NEDD4L: variants seen among roughly 807,000 people sequenced by gnomAD.
NEDD4L encodes the protein NEDD4 like E3 ubiquitin protein ligase, also known as E3 ubiquitin-protein ligase NEDD4-like.
In NEDD4L, 54 loss-of-function variants were observed where a neutral mutation model predicts 148.9. That is an observed-to-expected ratio of 0.36 (90% CI 0.29 to 0.45). The LOEUF is 0.45. NEDD4L is among the 20% of genes least tolerant of loss of function. The pLI, the probability that NEDD4L is intolerant of heterozygous loss-of-function variation, is 1.00. For synonymous variants in NEDD4L, 433 were observed against 440.7 expected, an observed-to-expected ratio of 0.98 and a Z score of 0.22; for missense variants, 856 against 1,233.8, an observed-to-expected ratio of 0.69 and a Z score of 4.59.
rs145727170 is a variant in NEDD4L at position 58,102,188 on chromosome 18, C to T, written c.48+57480C>T. Reference sequence around the variant, plus strand: ...CTTCTTCCCCCTCCATGACTGCCTGCATTTGAATACATTTCCATTGTGTGA... The same window carrying T: ...CTTCTTCCCCCTCCATGACTGCCTGTATTTGAATACATTTCCATTGTGTGA... On this transcript the variant is annotated intron_variant, in intron 1 of 30. Coordinates refer to ENST00000400345, the MANE Select transcript of NEDD4L (RefSeq NM_001144967.3). Among the ~76,000 whole-genome samples, 101 of 152,114 alleles carry T rather than the reference C, an allele frequency of 6.6e-4. 2 individuals are homozygous for T. In the East Asian group the frequency reaches 0.018, roughly 26 times the overall value.
chr18:58,345,308 T>G (rs765386308), intron 16 of NEDD4L, among the ~76,000 whole-genome samples: 2 of 152,234 alleles, frequency 1.3e-5, no homozygotes, highest in Non-Finnish European at 2.9e-5. Flanking sequence ...AGACACACTC[T>G]AAATTGCCTG....
At chr18:58,283,060 T>C (rs2053399893) in intron 5 of NEDD4L, among the ~76,000 whole-genome samples, 1 of 146,502 alleles carries the variant, frequency 6.8e-6, no homozygotes, top group South Asian at 2.1e-4. Context: ...CTTATTTATT[T>C]ATTTATTTAT....
intron 11 of NEDD4L, 62 bp from the exon 12 acceptor site, chr18:58,333,756 C>A: frequency 8.6e-7 from 1 of 1,167,472 alleles, no homozygotes; most frequent in African/African-American, 1.5e-5. Flanking sequence ...TTTGTTAAAC[C>A]AATGAAAGTT....
At chr18:58,154,346 A>T (rs2035184774) in intron 1 of NEDD4L, among the ~76,000 whole-genome samples, 1 of 152,170 alleles carries the variant, frequency 6.6e-6, no homozygotes, top group Admixed American at 6.5e-5. Flanking sequence ...GAAGACTGGG[A>T]CCCAAGGGGC....
intron 2 of NEDD4L, among the ~76,000 whole-genome samples, chr18:58,220,330 C>A (rs2147911292): frequency 6.6e-6 from 1 of 152,178 alleles, no homozygotes; most frequent in South Asian, 2.1e-4. Flanking sequence ...TGCTTAAACC[C>A]CAGAGGCAGA....
intron 1 of NEDD4L, among the ~76,000 whole-genome samples, chr18:58,082,048 G>A (rs2083459271): frequency 7.5e-6 from 1 of 133,730 alleles, no homozygotes; most frequent in African/African-American, 2.9e-5. Context: ...TATACAGTTT[G>A]CAGTCTTTTT....
chr18:58,380,805 T>C (rs2048242870), intron 24 of NEDD4L, among the ~76,000 whole-genome samples: 1 of 152,168 alleles, frequency 6.6e-6, no homozygotes, highest in African/African-American at 2.4e-5. Flanking sequence ...CTCCCACTTA[T>C]GAGTGAAGCT....
chr18:58,160,334 C>T (rs1397235964), intron 1 of NEDD4L, among the ~76,000 whole-genome samples: 2 of 152,078 alleles, frequency 1.3e-5, no homozygotes, highest in Non-Finnish European at 2.9e-5. Flanking sequence ...GGCTCGGGCA[C>T]CTTATCTTGT....
chr18:58,333,501 A>G (rs1425686726), intron 11 of NEDD4L, among the ~76,000 whole-genome samples: 3 of 152,202 alleles, frequency 2.0e-5, no homozygotes, highest in African/African-American at 4.8e-5. Context: ...CAAGACTGCT[A>G]GCTTCTTTCT....
intron 1 of NEDD4L, among the ~76,000 whole-genome samples, chr18:58,130,345 G>A (rs1463237019): frequency 1.4e-4 from 20 of 143,486 alleles, no homozygotes; most frequent in African/African-American, 5.0e-4. Context: ...GCTCTGTTGG[G>A]GTTTGGTTGA....
chr18:58,299,233 A>G lies in NEDD4L; in HGVS notation c.298-16749A>G, dbSNP rs114261055. Reference sequence around the variant, plus strand: ...CACACTGTGTGCATCCCGCATGATAAGCGATTTGAGAAGGTGCCACATCAG... The same window carrying G: ...CACACTGTGTGCATCCCGCATGATAGGCGATTTGAGAAGGTGCCACATCAG... On this transcript the variant is annotated intron_variant, in intron 5 of 30. Coordinates refer to ENST00000400345, the MANE Select transcript of NEDD4L (RefSeq NM_001144967.3). 1.9e-3 allele frequency among the ~76,000 whole-genome samples: 286 copies of G among 152,358 alleles called. 1 individual carries two copies. The highest frequency in any genetic ancestry group is 6.4e-3 in the African/African-American group (267 of 41,590).
chr18:58,305,614 C>G (rs1191167976), intron 5 of NEDD4L, among the ~76,000 whole-genome samples: 1 of 152,234 alleles, frequency 6.6e-6, no homozygotes. Flanking sequence ...GAAGGAGGCC[C>G]ATACTCTCTG....
At chr18:58,145,507 T>C (rs1436758267) in intron 1 of NEDD4L, among the ~76,000 whole-genome samples, 1 of 152,190 alleles carries the variant, frequency 6.6e-6, no homozygotes, top group East Asian at 1.9e-4. Context: ...GAGGATTGAA[T>C]GAGATAATGT....
Position 58,182,575 on chromosome 18 carries a change from G to A in NEDD4L, c.122+16714G>A, listed in dbSNP as rs372288522. On this transcript the variant is annotated intron_variant, in intron 2 of 30. Coordinates refer to ENST00000400345, the MANE Select transcript of NEDD4L (RefSeq NM_001144967.3). ...GTCTCCCAGGCTGGAGTGCAGAGGC[G>A]CAACCTCAGTTCACTGCAACCTCAG... Among the ~76,000 whole-genome samples the A allele has an allele frequency of 2.5e-4, 36 of 144,552 alleles. 1 individual carries two copies. Among genetic ancestry groups the A allele is most frequent in the African/African-American group, 8.4e-4 (32 of 38,168 alleles). 94.8% of individuals were successfully genotyped at this position (144,552 alleles called of 152,430 possible). A position where few individuals can be genotyped will look rare whatever the true frequency, so the allele number is the denominator to read the frequency against.
chr18:58,226,869 GC>G (rs2044416471), intron 2 of NEDD4L, among the ~76,000 whole-genome samples: 1 of 151,898 alleles, frequency 6.6e-6, no homozygotes, highest in Non-Finnish European at 1.5e-5. Context: ...CTGTGATGCC[GC>G]TGTGTTACCC....
chr18:58,263,647 C>G (rs2049778371), intron 5 of NEDD4L, among the ~76,000 whole-genome samples: 1 of 144,424 alleles, frequency 6.9e-6, no homozygotes, highest in Non-Finnish European at 1.5e-5. Context: ...GATAATAAAT[C>G]CTACTTCTTA....
At chr18:58,090,000 C>G (rs770495812) in intron 1 of NEDD4L, among the ~76,000 whole-genome samples, 1 of 151,924 alleles carries the variant, frequency 6.6e-6, no homozygotes. Flanking sequence ...CCACCACGCC[C>G]GGCTAATTTT....
chr18:58,089,021 G>C (rs937317903), intron 1 of NEDD4L, among the ~76,000 whole-genome samples: 2 of 151,706 alleles, frequency 1.3e-5, no homozygotes, highest in African/African-American at 4.8e-5. Flanking sequence ...CAACCTGGTC[G>C]TAAGAAAATA....
chr18:58,384,698 G>T (rs1025882305), intron 25 of NEDD4L, among the ~76,000 whole-genome samples: 8 of 152,104 alleles, frequency 5.3e-5, no homozygotes, highest in Admixed American at 2.6e-4. Flanking sequence ...TGCTCCCCTG[G>T]TGCCAGAAGA....
Sources: allele counts gnomAD v4.1 joint callset (sites outside exome capture counted in the v4.1 genomes callset), GRCh38; gene constraint gnomAD v4.1.1; transcripts MANE v1.5; gene names NCBI Gene and HGNC (gene_info 2026-07-23, HGNC 2026-07-21).